The following PRKCH variants were observed in gnomAD, a reference collection of about 807,000 sequenced individuals.
PRKCH encodes protein kinase C eta type.
A neutral mutation model predicts 82.5 loss-of-function variants in PRKCH; 28 were observed. That is an observed-to-expected ratio of 0.34 (90% CI 0.25 to 0.47). The LOEUF is 0.47. PRKCH is among the 20% of genes least tolerant of loss of function. PRKCH has a pLI of 1.00. For synonymous variants in PRKCH, 322 were observed against 327.4 expected (o/e 0.98, Z 0.18); for missense variants, 705 against 881.8 (o/e 0.80, Z 2.54).
chr14:61,383,593 G>A (rs998803112), intron 1 of PRKCH, among the ~76,000 whole-genome samples: 5 of 152,126 alleles, frequency 3.3e-5, no homozygotes, highest in African/African-American at 1.2e-4. Flanking sequence ...TTCTGTGCTC[G>A]GTAACCCATC....
intron 10 of PRKCH, among the ~76,000 whole-genome samples, chr14:61,516,840 C>A (rs2042835884): frequency 6.6e-6 from 1 of 152,044 alleles, no homozygotes; most frequent in Admixed American, 6.6e-5. Flanking sequence ...AGTTTGTAAT[C>A]CAGTTGGGAG....
At chr14:61,465,689 A>G (rs958480091) in intron 9 of PRKCH, among the ~76,000 whole-genome samples, 1 of 152,202 alleles carries the variant, frequency 6.6e-6, no homozygotes, top group African/African-American at 2.4e-5. Flanking sequence ...TTTGGTCAAG[A>G]TTGCTTTGAT....
At chr14:61,472,094 A>C (rs1885531663) in intron 9 of PRKCH, among the ~76,000 whole-genome samples, 1 of 152,194 alleles carries the variant, frequency 6.6e-6, no homozygotes, top group Admixed American at 6.5e-5. Flanking sequence ...CGGGGGAGAC[A>C]GCGGAAGCGT....
intron 10 of PRKCH, among the ~76,000 whole-genome samples, chr14:61,502,936 G>A (rs775282371): frequency 2.6e-5 from 4 of 151,948 alleles, no homozygotes; most frequent in African/African-American, 7.3e-5. Context: ...CTTCCTGGGG[G>A]ATGTGTGGCT....
intron 12 of PRKCH, chr14:61,545,226 A>G (rs552714292): frequency 1.3e-5 from 2 of 152,160 alleles, no homozygotes; most frequent in Non-Finnish European, 2.9e-5. Context: ...CATGCCTACT[A>G]TGTTAATTCT....
At chr14:61,243,158 G>C (rs1314129177) in intron 1 of PRKCH, among the ~76,000 whole-genome samples, 2 of 152,030 alleles carry the variant, frequency 1.3e-5, no homozygotes, top group African/African-American at 2.4e-5. Flanking sequence ...ACTTTGGGAG[G>C]TCAAGGTGGG....
At chr14:61,390,500 A>G (rs1234948633) in intron 1 of PRKCH, among the ~76,000 whole-genome samples, 1 of 152,042 alleles carries the variant, frequency 6.6e-6, no homozygotes, top group African/African-American at 2.4e-5. Context: ...GTGAAACCCC[A>G]TCTCTACTAA....
chr14:61,283,041 T>TC (rs959446989), intron 1 of PRKCH, among the ~76,000 whole-genome samples: 2 of 152,088 alleles, frequency 1.3e-5, no homozygotes, highest in Admixed American at 6.5e-5. Flanking sequence ...TTGTAGATTT[T>TC]TTTTTTTTTG....
At chr14:61,207,106 CAAAAAAAAAAAAAAA>C (rs71114196) in intron 1 of PRKCH, among the ~76,000 whole-genome samples, 2 of 49,158 alleles carry the variant, frequency 4.1e-5, no homozygotes, top group African/African-American at 8.9e-5. Flanking sequence ...AACTCCATCT[CAAAAAAAAAAAAAAA>C]AAAAAAAAAA....
intron 1 of PRKCH, among the ~76,000 whole-genome samples, chr14:61,290,085 A>G (rs577727525): frequency 6.6e-6 from 1 of 152,318 alleles, no homozygotes; most frequent in East Asian, 1.9e-4. Flanking sequence ...CAAGGTCAGT[A>G]GATCGAGACC....
rs187584019 is a variant in PRKCH, at chr14:61,210,200, G to C, written c.-19+22532G>C. The stretch of plus-strand genomic sequence containing the variant: ...ATAGTGGCAGGCACCTGTAATCCCA[G>C]CTTTTCAGGAGGCTGAGGCAGGAGA... On this transcript the variant is annotated intron_variant, in intron 1 of 3. Transcript: ENST00000555185. Among the ~76,000 whole-genome samples, 5 of 141,082 alleles carry C rather than the reference G, an allele frequency of 3.5e-5. No homozygotes were observed. The Admixed American group carries it at 3.7e-4, about 10-fold the overall frequency. 92.6% of individuals were successfully genotyped at this position (141,082 alleles called of 152,430 possible). A position where few individuals can be genotyped will look rare whatever the true frequency, so the allele number is the denominator to read the frequency against.
chr14:61,337,882 G>A (rs1343380347), intron 1 of PRKCH, among the ~76,000 whole-genome samples: 1 of 152,150 alleles, frequency 6.6e-6, no homozygotes, highest in Non-Finnish European at 1.5e-5. Flanking sequence ...TTCATAGTAC[G>A]GCACAACAGT....
intron 11 of PRKCH, 101 bp from the exon 12 acceptor site, chr14:61,530,306 A>C (rs2043029706): frequency 4.6e-6 from 6 of 1,301,154 alleles, no homozygotes; most frequent in Non-Finnish European, 6.2e-6. Flanking sequence ...TTTTTTAAAA[A>C]AACTTTGATA....
rs1491588445 is a variant in PRKCH, at chr14:61,512,248, CCT to C, written c.1434-16826_1434-16825del. 1.4e-3 allele frequency among the ~76,000 whole-genome samples: 201 copies of C among 140,752 alleles called. 4 individuals carry two copies. The highest frequency in any genetic ancestry group is 5.6e-3 in the African/African-American group (197 of 34,988). The allele number at this position is 140,752 out of a possible 152,430, so 92.3% of individuals were successfully genotyped here. On this transcript the variant is annotated intron_variant, in intron 10 of 13. Coordinates refer to ENST00000332981, the MANE Select transcript of PRKCH (RefSeq NM_006255.5). The stretch of plus-strand genomic sequence containing the variant: ...GAAACTGGGCAGATGATCACATGAC[CCT>C]TTTTTTTTTTTTTTTTTTTTTTAAA...
At chr14:61,246,514 A>G (rs1308019551) in intron 1 of PRKCH, among the ~76,000 whole-genome samples, 1 of 151,948 alleles carries the variant, frequency 6.6e-6, no homozygotes, top group Admixed American at 6.6e-5. Context: ...CAAAATTTCT[A>G]TTCCTCTGGC....
chr14:61,299,297 AGT>A (rs1363676686), intron 1 of PRKCH, among the ~76,000 whole-genome samples: 1 of 152,088 alleles, frequency 6.6e-6, no homozygotes, highest in Non-Finnish European at 1.5e-5. Flanking sequence ...CTGCATGCTC[AGT>A]GTGTTTATTG....
At chr14:61,498,812 A>G (rs935602430) in intron 10 of PRKCH, among the ~76,000 whole-genome samples, 1 of 152,148 alleles carries the variant, frequency 6.6e-6, no homozygotes, top group African/African-American at 2.4e-5. Context: ...ATCACATTAG[A>G]GCTTAGGGCT....
In PRKCH at chr14:61,322,178, G is replaced by A. The variant is rs756874616; in HGVS notation, c.77G>A (p.Arg26His). 1.2e-6 allele frequency: 2 copies of A among 1,611,000 alleles called. No homozygotes were observed. The highest frequency in any genetic ancestry group is 2.7e-5 in the African/African-American group (2 of 74,778). ...IGEAVGLQPT[R>H]WSLRHSLFKK... ...GAGGCAGTGGGGCTGCAGCCCACCC[G>A]CTGGTCCCTGCGCCACTCGCTCTTC... Residue 26 changes from arginine to histidine, a missense_variant, in exon 1 of 14, where the codon CGC becomes CAC. Around this residue, in one of 5 missense-constraint regions of PRKCH, gnomAD observed 246 missense variants for 308.0 expected, o/e 0.80. Coordinates refer to ENST00000332981, the MANE Select transcript of PRKCH (RefSeq NM_006255.5).
intron 10 of PRKCH, chr14:61,528,137 A>G (rs551690688): frequency 2.9e-4 from 28 of 96,612 alleles, no homozygotes; most frequent in African/African-American, 7.6e-4. Context: ...TATGAAATAT[A>G]TATCTATTTG....
Sources: allele counts gnomAD v4.1 joint callset (sites outside exome capture counted in the v4.1 genomes callset), GRCh38; gene constraint gnomAD v4.1.1; regional missense constraint gnomAD v4.1.1; transcripts MANE v1.5; gene names NCBI Gene and HGNC (gene_info 2026-07-23, HGNC 2026-07-21).